GRIN2B: variants seen among roughly 807,000 people sequenced by gnomAD.
GRIN2B encodes the protein glutamate ionotropic receptor NMDA type subunit 2B.
Under a neutral mutation model 114.5 loss-of-function variants are expected in GRIN2B, and 5 were observed. The observed-to-expected ratio is 0.04, with a 90% confidence interval of 0.02 to 0.09. The LOEUF (loss-of-function observed/expected upper bound fraction) is 0.09. Ranked by LOEUF, GRIN2B falls within the 10% of genes least tolerant of loss-of-function variation. The probability of loss-of-function intolerance (pLI) is 1.00; values close to 1 mark genes in which losing one functional copy is unlikely to be tolerated. For missense variants in GRIN2B, 1,108 were observed against 1,943.5 expected, an observed-to-expected ratio of 0.57 and a Z score of 8.08; for synonymous variants, 787 against 745.1, an observed-to-expected ratio of 1.06 and a Z score of -0.92.
chr12:13,793,416 G>C (rs1864354139), intron 3 of GRIN2B, among the ~76,000 whole-genome samples: 1 of 70,586 alleles, frequency 1.4e-5, no homozygotes, highest in Non-Finnish European at 2.9e-5. Flanking sequence ...GTGAGACTCT[G>C]TCTCAAAAAA....
intron 3 of GRIN2B, among the ~76,000 whole-genome samples, chr12:13,774,359 A>G (rs1309457124): frequency 6.6e-6 from 1 of 152,222 alleles, no homozygotes; most frequent in African/African-American, 2.4e-5. Context: ...GAGCATCCAG[A>G]TGGTGAACTG....
chr12:13,925,846 C>T (rs1866902693), intron 2 of GRIN2B, among the ~76,000 whole-genome samples: 1 of 152,272 alleles, frequency 6.6e-6, no homozygotes, highest in East Asian at 1.9e-4. Context: ...TGCGAATGAC[C>T]TATTGTTAAA....
intron 2 of GRIN2B, among the ~76,000 whole-genome samples, chr12:13,939,054 TC>T (rs1303765188): frequency 6.6e-6 from 1 of 152,152 alleles, no homozygotes; most frequent in Non-Finnish European, 1.5e-5. Flanking sequence ...CTTTAACTGT[TC>T]CCTACTCCTT....
chr12:13,598,484 G>A (rs1949105793), intron 10 of GRIN2B, among the ~76,000 whole-genome samples: 1 of 152,140 alleles, frequency 6.6e-6, no homozygotes, highest in South Asian at 2.1e-4. Flanking sequence ...GTCTTCTCAG[G>A]TATGGGTCAA....
chr12:13,643,915 C>T (rs1400798755), intron 5 of GRIN2B, among the ~76,000 whole-genome samples: 8 of 152,156 alleles, frequency 5.3e-5, no homozygotes, highest in Non-Finnish European at 1.0e-4. Flanking sequence ...AGATCTCATA[C>T]TGTTTCCACC....
intron 5 of GRIN2B, among the ~76,000 whole-genome samples, chr12:13,665,135 G>A (rs1949960744): frequency 8.0e-6 from 1 of 125,548 alleles, no homozygotes; most frequent in Non-Finnish European, 1.7e-5. Flanking sequence ...AAAAGAGAGG[G>A]TGTGTGTGTG....
At chr12:13,871,609 T>A (rs73057623) in intron 2 of GRIN2B, among the ~76,000 whole-genome samples, 16,559 of 151,462 alleles carry the variant, frequency 0.11, 1,197 homozygotes, top group Middle Eastern at 0.17. Context: ...ATTAAAAACT[T>A]AACAGTCAAC....
intron 2 of GRIN2B, among the ~76,000 whole-genome samples, chr12:13,901,692 T>C (rs957067064): frequency 6.6e-6 from 1 of 152,256 alleles, no homozygotes; most frequent in East Asian, 1.9e-4. Context: ...GTTTTTTCAT[T>C]ATCTTTTTGG....
chr12:13,724,895 C>A (rs1189227314), intron 4 of GRIN2B, among the ~76,000 whole-genome samples: 4 of 152,136 alleles, frequency 2.6e-5, no homozygotes, highest in African/African-American at 9.7e-5. Flanking sequence ...CCTACCACTA[C>A]CTCCAAAAAT....
chr12:13,768,551 A>G (rs1863843477), intron 3 of GRIN2B, among the ~76,000 whole-genome samples: 1 of 152,232 alleles, frequency 6.6e-6, no homozygotes, highest in Non-Finnish European at 1.5e-5. Flanking sequence ...TCTTCAAAAT[A>G]CAGACCATAT....
chr12:13,813,084 C>T lies in GRIN2B; in HGVS notation c.411+52714G>A, dbSNP rs143360341. On this transcript the variant is annotated intron_variant, in intron 3 of 13. Transcript: ENST00000609686. ...CCTCCCAACTAGCTGGGACTACAGA[C>T]GTCCGCCACCACTCCCAGCTAATTT... Among the ~76,000 whole-genome samples, 1,404 of 151,886 alleles carry T rather than the reference C, an allele frequency of 9.2e-3. 24 individuals carry two copies. Among genetic ancestry groups the T allele is most frequent in the African/African-American group, 0.025 (1,037 of 41,406 alleles).
At chr12:13,643,248 G>A (rs1360262047) in intron 5 of GRIN2B, among the ~76,000 whole-genome samples, 2 of 152,032 alleles carry the variant, frequency 1.3e-5, no homozygotes, top group Admixed American at 6.6e-5. Flanking sequence ...TTACAGGTTT[G>A]GTTCTAGACC....
intron 5 of GRIN2B, among the ~76,000 whole-genome samples, chr12:13,635,851 G>A (rs771397432): frequency 6.6e-6 from 1 of 152,134 alleles, no homozygotes; most frequent in Non-Finnish European, 1.5e-5. Context: ...TGTGTAATTA[G>A]AATATAAGTT....
intron 2 of GRIN2B, among the ~76,000 whole-genome samples, chr12:13,958,506 G>A (rs986890423): frequency 3.9e-5 from 6 of 152,148 alleles, no homozygotes; most frequent in Non-Finnish European, 7.3e-5. Context: ...CTAAACAAAA[G>A]CTGGGTGTAC....
intron 10 of GRIN2B, among the ~76,000 whole-genome samples, chr12:13,588,540 A>G (rs1948963210): frequency 6.6e-6 from 1 of 152,258 alleles, no homozygotes; most frequent in Admixed American, 6.5e-5. Context: ...AGATATTAAA[A>G]GGATGAAGTT....
intron 5 of GRIN2B, among the ~76,000 whole-genome samples, chr12:13,640,522 C>T (rs1408861521): frequency 6.6e-6 from 1 of 152,132 alleles, no homozygotes; most frequent in Non-Finnish European, 1.5e-5. Flanking sequence ...TTCCCCCTCT[C>T]TATTGTATAG....
At chr12:13,853,556 G>T (rs752362068) in intron 3 of GRIN2B, among the ~76,000 whole-genome samples, 1 of 152,126 alleles carries the variant, frequency 6.6e-6, no homozygotes, top group African/African-American at 2.4e-5. Flanking sequence ...TAAAAGTCTT[G>T]CTCTGCTACC....
intron 2 of GRIN2B, among the ~76,000 whole-genome samples, chr12:13,871,151 AT>A (rs1865899336): frequency 6.6e-6 from 1 of 152,146 alleles, no homozygotes; most frequent in African/African-American, 2.4e-5. Context: ...GACATAAAAG[AT>A]TTTTTTAAAG....
At chr12:13,777,616 C>T (rs143233125) in intron 3 of GRIN2B, among the ~76,000 whole-genome samples, 77 of 152,332 alleles carry the variant, frequency 5.1e-4, no homozygotes, top group African/African-American at 1.8e-3. Flanking sequence ...AGGTGCCTAA[C>T]GCTTGGTGCC....
Sources: gnomAD v4.1 joint callset for allele counts (sites outside exome capture counted in the v4.1 genomes callset) on GRCh38, gnomAD v4.1.1 for gene constraint, MANE v1.5 for transcripts, NCBI Gene and HGNC (gene_info 2026-07-23, HGNC 2026-07-21) for gene names.